MACROD2: variants seen among roughly 807,000 people sequenced by gnomAD.
The protein encoded by MACROD2 is ADP-ribose glycohydrolase MACROD2.
MACROD2 carries 36 observed loss-of-function variants against 70.4 expected under a neutral mutation model. That is an observed-to-expected ratio of 0.51 (90% CI 0.39 to 0.68). MACROD2 has a LOEUF of 0.68. MACROD2 is among the 30% of genes least tolerant of loss of function. The pLI, the probability that MACROD2 is intolerant of heterozygous loss-of-function variation, is 0.00. For missense variants in MACROD2, 496 were observed against 538.4 expected (o/e 0.92, Z 0.78); for synonymous variants, 172 against 178.8 (o/e 0.96, Z 0.30).
intron 3 of MACROD2, among the ~76,000 whole-genome samples, chr20:14,409,613 A>C (rs2083728138): frequency 6.6e-6 from 1 of 152,068 alleles, no homozygotes; most frequent in Non-Finnish European, 1.5e-5. Flanking sequence ...TACCATTTAG[A>C]AAATAGCATG....
chr20:15,108,813 G>A (rs1484161783), intron 5 of MACROD2, among the ~76,000 whole-genome samples: 1 of 152,052 alleles, frequency 6.6e-6, no homozygotes, highest in African/African-American at 2.4e-5. Flanking sequence ...GTCTTTTTCT[G>A]TCCTTCTCTG....
At position 15,677,970 on chromosome 20, in the gene MACROD2, CAGG is replaced by C. The variant is rs1313784313; in HGVS notation, c.645+178126_645+178128del. Among the ~76,000 whole-genome samples the C allele has an allele frequency of 8.5e-5, 13 of 152,058 alleles. No individual in the cohort carries two copies. In the East Asian group the frequency reaches 2.5e-3, roughly 30 times the overall value. ...ATCCCAGCTACTCGGGAGGCTGAAG[CAGG>C]AGAATGACTTGAACCCAGGAGGTGG... On this transcript the variant is annotated intron_variant, in intron 8 of 17. Coordinates refer to ENST00000684519, the MANE Select transcript of MACROD2 (RefSeq NM_001351661.2).
At chr20:14,726,358 G>A (rs1000797814) in intron 5 of MACROD2, among the ~76,000 whole-genome samples, 15 of 152,154 alleles carry the variant, frequency 9.9e-5, no homozygotes, top group African/African-American at 2.9e-4. Context: ...CAAAGGTTAC[G>A]CTTGATGCTT....
intron 6 of MACROD2, among the ~76,000 whole-genome samples, chr20:15,349,687 C>T (rs7261787): frequency 0.17 from 25,523 of 146,704 alleles, 2,525 homozygotes; most frequent in Non-Finnish European, 0.23. Flanking sequence ...ACCTGGGAGG[C>T]GGAGGTTGCA....
chr20:15,431,265 G>C, intron 6 of MACROD2, 140 bp from the exon 7 acceptor site: 1 of 612,394 alleles, frequency 1.6e-6, no homozygotes, highest in Non-Finnish European at 2.8e-6. Context: ...CCCATTTCCA[G>C]TGTCCCCTAC....
intron 3 of MACROD2, among the ~76,000 whole-genome samples, chr20:14,182,184 C>A (rs74272147): frequency 0.18 from 26,980 of 152,126 alleles, 2,562 homozygotes; most frequent in South Asian, 0.24. Context: ...TATAGCCATC[C>A]TAGTGAAGTA....
intron 3 of MACROD2, among the ~76,000 whole-genome samples, chr20:14,252,416 A>G (rs1332886802): frequency 2.6e-5 from 4 of 151,792 alleles, no homozygotes; most frequent in Non-Finnish European, 4.4e-5. Context: ...TTATTCTTTC[A>G]CTGTATAAAA....
intron 4 of MACROD2, among the ~76,000 whole-genome samples, chr20:14,559,333 ATAAT>A (rs1400578118): frequency 1.4e-5 from 2 of 142,616 alleles, no homozygotes; most frequent in Non-Finnish European, 3.0e-5. Flanking sequence ...ATTTACACAA[ATAAT>A]TTATTTTACA....
intron 7 of MACROD2, among the ~76,000 whole-genome samples, chr20:15,437,656 T>C (rs868656282): frequency 6.6e-6 from 1 of 152,108 alleles, no homozygotes; most frequent in Non-Finnish European, 1.5e-5. Context: ...CCTCTCACCC[T>C]CCACCCTCGA....
At position 14,430,528 on chromosome 20, in the gene MACROD2, C is replaced by G. The variant is rs146662881; in HGVS notation, c.272-62951C>G. Among the ~76,000 whole-genome samples, 61 of 152,156 alleles carry G rather than the reference C, an allele frequency of 4.0e-4. 1 individual carries two copies. Among genetic ancestry groups the G allele is most frequent in the African/African-American group, 1.4e-3 (59 of 41,544 alleles). The stretch of plus-strand genomic sequence containing the variant: ...CAATATTTCTAGCTTTGACTGCTAA[C>G]TGGGAGGATGGCAATGCTTTGTTCA... On this transcript the variant is annotated intron_variant, in intron 3 of 17. Transcript: ENST00000684519.
At chr20:15,161,861 A>G (rs1377367240) in intron 5 of MACROD2, among the ~76,000 whole-genome samples, 2 of 152,076 alleles carry the variant, frequency 1.3e-5, no homozygotes, top group African/African-American at 4.8e-5. Flanking sequence ...AATCAAAGTC[A>G]AAATCAAAAT....
intron 3 of MACROD2, among the ~76,000 whole-genome samples, chr20:14,416,452 A>G (rs1332802323): frequency 6.6e-6 from 1 of 152,200 alleles, no homozygotes; most frequent in Non-Finnish European, 1.5e-5. Context: ...ATGAATACAC[A>G]GTGTCTTATA....
intron 7 of MACROD2, among the ~76,000 whole-genome samples, chr20:15,441,477 C>G (rs900007365): frequency 6.6e-6 from 1 of 152,048 alleles, no homozygotes; most frequent in African/African-American, 2.4e-5. Flanking sequence ...CAGTGAGAAA[C>G]CAGTGTCAGT....
chr20:15,729,317 T>C (rs1330720220), intron 8 of MACROD2, among the ~76,000 whole-genome samples: 1 of 152,204 alleles, frequency 6.6e-6, no homozygotes, highest in East Asian at 1.9e-4. Flanking sequence ...TTGTGATTGA[T>C]TTTAGAATAT....
chr20:14,310,321 C>T (rs2082555438), intron 3 of MACROD2, among the ~76,000 whole-genome samples: 1 of 151,998 alleles, frequency 6.6e-6, no homozygotes, highest in African/African-American at 2.4e-5. Context: ...TTAATGAACT[C>T]CTCAGGATAA....
At chr20:14,401,177 G>A (rs1280557374) in intron 3 of MACROD2, among the ~76,000 whole-genome samples, 2 of 152,166 alleles carry the variant, frequency 1.3e-5, no homozygotes, top group Non-Finnish European at 2.9e-5. Context: ...TTTATGCCAA[G>A]GGATAGTTCT....
intron 13 of MACROD2, among the ~76,000 whole-genome samples, chr20:15,973,465 T>C (rs1418542187): frequency 6.6e-6 from 1 of 152,072 alleles, no homozygotes; most frequent in Non-Finnish European, 1.5e-5. Context: ...TGTACAATAA[T>C]CACAAATAGA....
chr20:14,178,731 T>TTC (rs1221812986), intron 3 of MACROD2, among the ~76,000 whole-genome samples: 1 of 148,352 alleles, frequency 6.7e-6, no homozygotes, highest in African/African-American at 2.5e-5. Flanking sequence ...GTCAGCTTTT[T>TTC]TTTTTTTTTT....
intron 3 of MACROD2, among the ~76,000 whole-genome samples, chr20:14,090,151 A>G (rs1308365612): frequency 1.3e-5 from 2 of 152,210 alleles, no homozygotes; most frequent in African/African-American, 2.4e-5. Context: ...AGTTTTAACA[A>G]TTTTTAAACT....
Sources: allele counts gnomAD v4.1 joint callset (sites outside exome capture counted in the v4.1 genomes callset), GRCh38; gene constraint gnomAD v4.1.1; transcripts MANE v1.5; gene names NCBI Gene and HGNC (gene_info 2026-07-23, HGNC 2026-07-21).